CRY1: variants seen among roughly 807,000 people sequenced by gnomAD.
The protein encoded by CRY1 is cryptochrome-1.
In CRY1, 45 loss-of-function variants were observed where a neutral mutation model predicts 76.0. The observed-to-expected ratio is 0.59, with a 90% CI of 0.47 to 0.76. The LOEUF is 0.76. Ranked by LOEUF, CRY1 falls within the 30% of genes least tolerant of loss-of-function variation. The pLI is 0.00. For missense variants in CRY1, 587 were observed against 716.4 expected (o/e 0.82, Z 2.06); for synonymous variants, 248 against 244.0 (o/e 1.02, Z -0.15).
chr12:107,001,970 T>G (rs768934568), intron 3 of CRY1, 22 bp from the exon 4 acceptor site: 1 of 1,546,396 alleles, frequency 6.5e-7, no homozygotes, highest in Admixed American at 2.3e-5. Flanking sequence ...GTTAGTAAAA[T>G]GTAGTTAGTA....
intron 1 of CRY1, among the ~76,000 whole-genome samples, chr12:107,026,648 G>A (rs1036852109): frequency 6.6e-6 from 1 of 152,132 alleles, no homozygotes; most frequent in African/African-American, 2.4e-5. Context: ...TGACCTAGTA[G>A]GGGTGTCTTG....
Position 106,992,839 on chromosome 12 carries a change from T to C in CRY1, c.1709A>G (p.Glu570Gly). ...AGGACCAATACTCTGTGTGTCCTCT[T>C]CCTGACTAGGACGTTTCCCACCACT... ...GLSGGKRPSQ[E>G]EDTQSIGPKV... Residue 570 changes from glutamate to glycine, a missense_variant, in exon 12 of 13, where the codon GAA becomes GGA. Transcript: ENST00000008527. 6.2e-7 allele frequency: 1 copy of C among 1,614,090 alleles called. No homozygotes were observed. Among genetic ancestry groups the C allele is most frequent in the Non-Finnish European group, 8.5e-7 (1 of 1,179,940 alleles).
chr12:107,059,857 CA>C (rs1489032543), intron 1 of CRY1, among the ~76,000 whole-genome samples: 1 of 152,208 alleles, frequency 6.6e-6, no homozygotes, highest in African/African-American at 2.4e-5. Flanking sequence ...ACAAGACCTG[CA>C]GGCTTTAGTT....
intron 1 of CRY1, among the ~76,000 whole-genome samples, chr12:107,087,429 C>G (rs1221000851): frequency 6.6e-6 from 1 of 152,066 alleles, no homozygotes; most frequent in East Asian, 1.9e-4. Context: ...CTTCAAGAGC[C>G]CACCTCTTGG....
chr12:107,080,584 A>T (rs1338792060), intron 1 of CRY1, among the ~76,000 whole-genome samples: 2 of 152,102 alleles, frequency 1.3e-5, no homozygotes, highest in Non-Finnish European at 2.9e-5. Flanking sequence ...AGGAAAGCAC[A>T]GAAGAGTCCT....
chr12:107,030,695 G>A (rs935165057), intron 1 of CRY1, among the ~76,000 whole-genome samples: 3 of 150,406 alleles, frequency 2.0e-5, no homozygotes, highest in Non-Finnish European at 4.4e-5. Flanking sequence ...CAATATCTAA[G>A]CACTGATATT....
chr12:107,019,482 A>G (rs1322800950), intron 2 of CRY1, among the ~76,000 whole-genome samples: 1 of 152,212 alleles, frequency 6.6e-6, no homozygotes, highest in Non-Finnish European at 1.5e-5. Flanking sequence ...CTCTCTGCCA[A>G]ATTGATAAGA....
intron 10 of CRY1, among the ~76,000 whole-genome samples, chr12:106,997,089 C>T (rs3815570): frequency 0.51 from 76,767 of 151,982 alleles, 20,303 homozygotes; most frequent in East Asian, 0.72. Context: ...ATCTATTATA[C>T]GTAATGATAT....
At chr12:107,070,903 A>C in intron 1 of CRY1, among the ~76,000 whole-genome samples, 1 of 145,422 alleles carries the variant, frequency 6.9e-6, no homozygotes. Context: ...ACAGGGTTTC[A>C]CCGTGCTAAC....
Position 106,999,809 on chromosome 12 carries a change from A to G in CRY1, c.879T>C (p.Arg293=), listed in dbSNP as rs1952281674. 1 of 1,614,210 alleles carries G rather than the reference A, an allele frequency of 6.2e-7. No individual in the cohort carries two copies. Among genetic ancestry groups the G allele is most frequent in the Admixed American group, 1.7e-5 (1 of 60,026 alleles). Residue 293 remains arginine, a synonymous_variant, in exon 7 of 13, where the codon CGT becomes CGC. Coordinates refer to ENST00000008527, the MANE Select transcript of CRY1 (RefSeq NM_004075.5). ...TTGTTGCTGCTGTATAGAAAAATTC[A>G]CGCCATAACAGTTGCCCATAAAGGG... ...PLSLYGQLLW[R]EFFYTAATNN...
Position 107,042,247 on chromosome 12 carries a change from T to C in CRY1, c.159-20055A>G, listed in dbSNP as rs142402302. On this transcript the variant is annotated intron_variant, in intron 1 of 12. Transcript: ENST00000008527. ...GAAAAATCATCATTAGAATAGCACA[T>C]AATTCAGGCAAGATCTACTGTTGAA... Among the ~76,000 whole-genome samples the C allele has an allele frequency of 4.6e-3, 707 of 152,280 alleles. 7 individuals are homozygous for C. The highest frequency in any genetic ancestry group is 0.016 in the African/African-American group (667 of 41,550).
chr12:107,064,468 G>C (rs941737586), intron 1 of CRY1, among the ~76,000 whole-genome samples: 1 of 152,218 alleles, frequency 6.6e-6, no homozygotes, highest in African/African-American at 2.4e-5. Flanking sequence ...ATGAGGAGCA[G>C]CTGGTCTCAT....
At chr12:107,005,461 C>T (rs1952362645) in intron 2 of CRY1, among the ~76,000 whole-genome samples, 1 of 152,156 alleles carries the variant, frequency 6.6e-6, no homozygotes, top group African/African-American at 2.4e-5. Context: ...TGCTAGGCAA[C>T]AATCTAGCAA....
At chr12:107,011,637 T>C (rs1269639448) in intron 2 of CRY1, among the ~76,000 whole-genome samples, 1 of 152,136 alleles carries the variant, frequency 6.6e-6, no homozygotes, top group Non-Finnish European at 1.5e-5. Flanking sequence ...CTGTGAAGGC[T>C]GAGAGAGGTG....
chr12:107,001,989 G>T lies in CRY1; in HGVS notation c.411-41C>A, dbSNP rs751187002. ...GTAAAATGTAGTTAGTATTAAAAAAGACAATACATTTTGGCTAATAAGCTC... is the reference window on the plus strand; with the variant it reads ...GTAAAATGTAGTTAGTATTAAAAAATACAATACATTTTGGCTAATAAGCTC... On this transcript the variant is annotated intron_variant, in intron 3 of 12. Coordinates refer to ENST00000008527, the MANE Select transcript of CRY1 (RefSeq NM_004075.5). The T allele has an allele frequency of 2.7e-6, 4 of 1,503,194 alleles. No individual in the cohort carries two copies. In the East Asian group the frequency reaches 1.0e-4, roughly 38 times the overall value. The allele number at this position is 1,503,194 out of a possible 1,614,324, so 93.1% of individuals were successfully genotyped here.
rs571653965 is a variant in CRY1, at chr12:107,090,799, C to T, written c.158+2005G>A. On this transcript the variant is annotated intron_variant, in intron 1 of 12. Transcript: ENST00000008527. ...GGATCTCTGTCTTGAGCTCCAGATA[C>T]ATCCAACTGCCTATTTGCTATCTCC... 2.0e-5 allele frequency among the ~76,000 whole-genome samples: 3 copies of T among 152,292 alleles called. No homozygotes were observed. The South Asian group carries it at 6.2e-4, about 32-fold the overall frequency.
chr12:107,018,448 G>A (rs1952519966), intron 2 of CRY1, among the ~76,000 whole-genome samples: 1 of 152,158 alleles, frequency 6.6e-6, no homozygotes, highest in African/African-American at 2.4e-5. Flanking sequence ...TTAGCAAGGT[G>A]TGGTGGTGCA....
Position 107,029,538 on chromosome 12 carries a change from C to A in CRY1, c.159-7346G>T, listed in dbSNP as rs147931625. ...TTGAGCCTGGGAGGTTGAGGCTGCA[C>A]TGAGCTGGCTGTAATCATGCCACTG... On this transcript the variant is annotated intron_variant, in intron 1 of 12. Transcript: ENST00000008527. 2.0e-3 allele frequency among the ~76,000 whole-genome samples: 299 copies of A among 149,482 alleles called. 3 individuals are homozygous for A. Among genetic ancestry groups the A allele is most frequent in the African/African-American group, 7.1e-3 (286 of 40,402 alleles).
chr12:107,079,411 A>G (rs1388980104), intron 1 of CRY1, among the ~76,000 whole-genome samples: 1 of 147,114 alleles, frequency 6.8e-6, no homozygotes, highest in East Asian at 2.0e-4. Context: ...GCAAAGAGAA[A>G]TGTGATCCTG....
Sources: allele counts gnomAD v4.1 joint callset (sites outside exome capture counted in the v4.1 genomes callset), GRCh38; gene constraint gnomAD v4.1.1; transcripts MANE v1.5; gene names NCBI Gene and HGNC (gene_info 2026-07-23, HGNC 2026-07-21).